Variants in SLC5A10 observed in about 807,000 individuals in gnomAD.
SLC5A10 encodes the protein sodium/mannose cotransporter SLC5A10.
A neutral mutation model predicts 68.9 loss-of-function variants in SLC5A10; 55 were observed. The observed-to-expected ratio is 0.80, with a 90% CI of 0.64 to 1.00. The LOEUF is 1.00. Among genes scored for constraint, SLC5A10 ranks in the 50% least tolerant of loss-of-function variants. The pLI is 0.00. For missense variants in SLC5A10, 732 were observed against 819.3 expected (o/e 0.89, Z 1.30); for synonymous variants, 344 against 344.8 (o/e 1.00, Z 0.02).
chr17:18,958,777 A>G, intron 2 of SLC5A10, 24 bp downstream of exon 2: 1 of 1,613,212 alleles, frequency 6.2e-7, no homozygotes, highest in Non-Finnish European at 8.5e-7. Flanking sequence ...GACTTCTCAC[A>G]CACCCCCACT....
At chr17:18,955,010 C>T (rs565843390) in intron 1 of SLC5A10, among the ~76,000 whole-genome samples, 3 of 149,136 alleles carry the variant, frequency 2.0e-5, no homozygotes, top group Non-Finnish European at 3.0e-5. Context: ...TGCTTGAAAC[C>T]GGAAGGCGGA....
Position 19,021,822 on chromosome 17 carries a change from G to T in SLC5A10, c.*1391G>T. On this transcript the variant is annotated 3_prime_UTR_variant, in exon 15 of 15. Coordinates refer to ENST00000395645, the MANE Select transcript of SLC5A10 (RefSeq NM_001042450.4). The surrounding 1 kb of genome is among the most constrained non-coding windows in gnomAD (Gnocchi z 4.1). The stretch of plus-strand genomic sequence containing the variant: ...CCCAGTTTGTGCAGAGCGGCCGGAG[G>T]CAGTTAGGAGCCCACGTTCAGTCCA... 1 of 860,642 alleles carries T rather than the reference G, an allele frequency of 1.2e-6. No homozygotes were observed. Among genetic ancestry groups the T allele is most frequent in the Non-Finnish European group, 1.6e-6 (1 of 631,158 alleles). The allele number at this position is 860,642 out of a possible 1,614,324, so 53.3% of individuals were successfully genotyped here.
Position 19,019,914 on chromosome 17 carries a change from C to A in SLC5A10, c.1612C>A (p.Pro538Thr), listed in dbSNP as rs1249661685. The A allele has an allele frequency of 1.2e-6, 2 of 1,607,386 alleles. No homozygotes were observed. The highest frequency in any genetic ancestry group is 3.4e-5 in the Admixed American group (2 of 59,444). Reference sequence around the variant, plus strand: ...GGCTGGAAGCCTGCTGACCCCACCCCCACAGAGTGTCCAGGTGAGCCAGCC... The same window carrying A: ...GGCTGGAAGCCTGCTGACCCCACCCACACAGAGTGTCCAGGTGAGCCAGCC... ...VVAGSLLTPP[P>T]QSVQIENLTW... The change falls in exon 13 of 15, where the codon CCA becomes ACA. Residue 538 changes from proline (P) to threonine (T), a missense_variant. Coordinates refer to ENST00000395645, the MANE Select transcript of SLC5A10 (RefSeq NM_001042450.4).
chr17:18,988,330 C>T (rs1459663197), intron 9 of SLC5A10: 5 of 1,614,222 alleles, frequency 3.1e-6, no homozygotes, highest in Non-Finnish European at 3.4e-6. Context: ...ATGATGTACA[C>T]GGCCACTTTC....
At chr17:18,977,398 G>A (rs999554060) in intron 9 of SLC5A10, 1 of 630,908 alleles carries the variant, frequency 1.6e-6, no homozygotes, top group Non-Finnish European at 2.7e-6. Context: ...CAGCATTAAT[G>A]ATGGCCTTCC....
At chr17:18,978,174 G>T in intron 9 of SLC5A10, 1 of 1,539,028 alleles carries the variant, frequency 6.5e-7, no homozygotes, top group Non-Finnish European at 8.7e-7. Flanking sequence ...AATGGCTCAG[G>T]GTCCCCCTGG....
At chr17:18,955,790 G>A (rs867395121) in intron 1 of SLC5A10, among the ~76,000 whole-genome samples, 2 of 152,258 alleles carry the variant, frequency 1.3e-5, no homozygotes, top group Non-Finnish European at 2.9e-5. Context: ...TGAACTGGGT[G>A]TGGTGGTGTC....
intron 7 of SLC5A10, 175 bp from the exon 8 acceptor site, chr17:18,970,838 A>G: frequency 1.7e-6 from 1 of 593,050 alleles, no homozygotes; most frequent in Non-Finnish European, 2.9e-6. Context: ...ATACACCTTA[A>G]AAAAAAAAAC....
At chr17:18,969,753 C>G in intron 7 of SLC5A10, 1 of 298,248 alleles carries the variant, frequency 3.4e-6, no homozygotes. Flanking sequence ...GGTGTGAAGG[C>G]ACACAACCAG....
At chr17:18,986,523 C>G (rs779765430) in intron 9 of SLC5A10, among the ~76,000 whole-genome samples, 2 of 152,218 alleles carry the variant, frequency 1.3e-5, no homozygotes, top group Non-Finnish European at 2.9e-5. Context: ...GGAGCCTCAT[C>G]TGAATGACCT....
chr17:18,993,582 T>C (rs953187404), intron 9 of SLC5A10, among the ~76,000 whole-genome samples: 5 of 152,144 alleles, frequency 3.3e-5, no homozygotes, highest in African/African-American at 1.2e-4. Flanking sequence ...GGAGGACAGA[T>C]ACCCTCAAGC....
At chr17:18,969,471 C>T in intron 7 of SLC5A10, 49 bp downstream of exon 7, 1 of 1,558,702 alleles carries the variant, frequency 6.4e-7, no homozygotes. Flanking sequence ...ACAGCGAGCC[C>T]TTTGGAGTCT....
intron 9 of SLC5A10, among the ~76,000 whole-genome samples, chr17:18,989,586 A>G (rs762399994): frequency 4.6e-5 from 7 of 152,202 alleles, no homozygotes; most frequent in Non-Finnish European, 8.8e-5. Flanking sequence ...TCAGTATAGC[A>G]TGCTCCATCT....
intron 9 of SLC5A10, among the ~76,000 whole-genome samples, chr17:18,990,226 C>G (rs1053445496): frequency 6.6e-6 from 1 of 152,136 alleles, no homozygotes; most frequent in African/African-American, 2.4e-5. Flanking sequence ...AGGAGATGTT[C>G]AAGGAAGGCC....
chr17:19,022,350 G>A lies in SLC5A10; in HGVS notation c.*1919G>A. The A allele has an allele frequency of 2.3e-6, 1 of 431,668 alleles. No individual in the cohort carries two copies. Among genetic ancestry groups the A allele is most frequent in the East Asian group, 3.6e-5 (1 of 28,104 alleles). 26.7% of individuals were successfully genotyped at this position (431,668 alleles called of 1,614,324 possible). A position where few individuals can be genotyped will look rare whatever the true frequency, so the allele number is the denominator to read the frequency against. On this transcript the variant is annotated 3_prime_UTR_variant, in exon 15 of 15. Coordinates refer to ENST00000395645, the MANE Select transcript of SLC5A10 (RefSeq NM_001042450.4). ...CCTGCCTGTCTGCTGTGCAGATGCTGCATCTACATAGAACACGGCTTTCCC... is the reference window on the plus strand; with the variant it reads ...CCTGCCTGTCTGCTGTGCAGATGCTACATCTACATAGAACACGGCTTTCCC...
upstream of SLC5A10, chr17:18,951,978 C>T (rs1279599488): frequency 1.3e-5 from 7 of 534,370 alleles, no homozygotes; most frequent in East Asian, 1.9e-4. Context: ...CCACTTGCTT[C>T]TCCCAGGCTC....
chr17:18,967,446 T>C (rs563150037), intron 5 of SLC5A10, among the ~76,000 whole-genome samples: 150 of 152,292 alleles, frequency 9.8e-4, no homozygotes, highest in African/African-American at 3.3e-3. Flanking sequence ...AAGCAGAGGC[T>C]GGGATGTTCC....
intron 1 of SLC5A10, among the ~76,000 whole-genome samples, chr17:18,952,954 C>T (rs894812141): frequency 2.0e-5 from 3 of 152,080 alleles, no homozygotes; most frequent in South Asian, 2.1e-4. Context: ...AAGGGAAGGG[C>T]TCCTCTGGTC....
rs1376742670 is a variant in SLC5A10, at chr17:19,021,436, A to T, written c.*1005A>T. On this transcript the variant is annotated 3_prime_UTR_variant, in exon 15 of 15. Transcript: ENST00000395645. The surrounding 1 kb of genome is among the most constrained non-coding windows in gnomAD (Gnocchi z 4.1). ...TGTTGAGGAGTTGGTGTCCACCTGG[A>T]GTCTGTCCAGTGAGTTTAGGTCAAC... The T allele has an allele frequency of 5.8e-6, 1 of 173,122 alleles. No homozygotes were observed. The highest frequency in any genetic ancestry group is 1.5e-4 in the East Asian group (1 of 6,518). The allele number at this position is 173,122 out of a possible 1,614,324, so 10.7% of individuals were successfully genotyped here. A position where few individuals can be genotyped will look rare whatever the true frequency, so the allele number is the denominator to read the frequency against.
Sources: gnomAD v4.1 joint callset for allele counts (sites outside exome capture counted in the v4.1 genomes callset) on GRCh38, gnomAD v4.1.1 for gene constraint, Gnocchi (gnomAD v3.1) non-coding constraint, MANE v1.5 for transcripts, NCBI Gene and HGNC (gene_info 2026-07-23, HGNC 2026-07-21) for gene names.